CHD9: variants seen among roughly 807,000 people sequenced by gnomAD.
The protein encoded by CHD9 is ATP-dependent chromatin remodeler CHD9.
In CHD9, 77 loss-of-function variants were observed where a neutral mutation model predicts 316.1. That is an observed-to-expected ratio of 0.24 (90% CI 0.20 to 0.29). The LOEUF (loss-of-function observed/expected upper bound fraction) is 0.29, where lower values mean the gene tolerates loss of function less well. Ranked by LOEUF, CHD9 falls within the 10% of genes least tolerant of loss-of-function variation. The pLI, the probability that CHD9 is intolerant of heterozygous loss-of-function variation, is 1.00. For synonymous variants in CHD9, 1,129 were observed against 1,158.3 expected (o/e 0.97, Z 0.51); for missense variants, 2,763 against 3,438.1 (o/e 0.80, Z 4.91).
intron 1 of CHD9, among the ~76,000 whole-genome samples, chr16:53,074,491 C>T (rs1048028912): frequency 1.3e-5 from 2 of 152,234 alleles, no homozygotes; most frequent in Admixed American, 6.5e-5. Context: ...GCGGCAGCCT[C>T]TCCCATCACA....
At chr16:53,296,736 C>T (rs992416251) in intron 29 of CHD9, among the ~76,000 whole-genome samples, 6 of 151,912 alleles carry the variant, frequency 3.9e-5, no homozygotes, top group Admixed American at 2.6e-4. Context: ...TGAGCCACCG[C>T]GCCCGACCCA....
At chr16:53,318,440 G>A in intron 37 of CHD9, 100 bp downstream of exon 37, 3 of 868,892 alleles carry the variant, frequency 3.5e-6, no homozygotes, top group Admixed American at 3.3e-5. Context: ...TAACAGACCT[G>A]GAAATGAGTT....
In CHD9 at chr16:53,245,161, C is replaced by T. The variant is rs1237381476; in HGVS notation, c.3055-175C>T. 6.6e-6 allele frequency among the ~76,000 whole-genome samples: 1 copy of T among 151,726 alleles called. No individual in the cohort carries two copies. The highest frequency in any genetic ancestry group is 2.4e-5 in the African/African-American group (1 of 41,278). ...TCCAGCCTGGGTGTCACAGCAAGAC[C>T]TTGTCTCTAAACAAACAAACAAATA... On this transcript the variant is annotated intron_variant, in intron 13 of 38. Transcript: ENST00000447540. The surrounding 1 kb of genome is among the most constrained non-coding windows in gnomAD (Gnocchi z 4.1).
chr16:53,079,283 G>A (rs773561282), intron 1 of CHD9, among the ~76,000 whole-genome samples: 1 of 152,144 alleles, frequency 6.6e-6, no homozygotes, highest in Non-Finnish European at 1.5e-5. Context: ...GTAAGCTGTG[G>A]TCAGCTTGGA....
chr16:53,238,093 C>CTTCCCTTT (rs1383433553), intron 11 of CHD9, among the ~76,000 whole-genome samples: 9 of 151,958 alleles, frequency 5.9e-5, no homozygotes, highest in Non-Finnish European at 1.2e-4. Context: ...TGGCCTTGCC[C>CTTCCCTTT]TTCCCTTTTC....
intron 1 of CHD9, among the ~76,000 whole-genome samples, chr16:53,114,102 G>T (rs578028467): frequency 6.6e-6 from 1 of 151,356 alleles, no homozygotes; most frequent in East Asian, 1.9e-4. Flanking sequence ...AAAAAAAAGA[G>T]GTTCCAATTG....
intron 15 of CHD9, 106 bp from the exon 16 acceptor site, chr16:53,247,187 T>A: frequency 1.3e-6 from 1 of 762,650 alleles, no homozygotes; most frequent in South Asian, 1.8e-5. Context: ...CATTAGAAAA[T>A]TATGTTACAG....
At chr16:53,174,857 T>G (rs952443157) in intron 2 of CHD9, among the ~76,000 whole-genome samples, 2 of 152,244 alleles carry the variant, frequency 1.3e-5, no homozygotes, top group African/African-American at 4.8e-5. Context: ...TGATAATGTT[T>G]GAATAAATGC....
At chr16:53,253,029 C>T (rs1213146690) in intron 17 of CHD9, among the ~76,000 whole-genome samples, 3 of 152,034 alleles carry the variant, frequency 2.0e-5, no homozygotes, top group African/African-American at 7.3e-5. Context: ...ACTGTTTGAT[C>T]CAGCAATCTC....
chr16:53,167,110 A>G (rs1032647733), intron 2 of CHD9, among the ~76,000 whole-genome samples: 2 of 152,200 alleles, frequency 1.3e-5, no homozygotes, highest in Non-Finnish European at 2.9e-5. Context: ...TACATATTTA[A>G]TAGGCCATAT....
At chr16:53,264,354 T>C (rs930039253) in intron 20 of CHD9, among the ~76,000 whole-genome samples, 1 of 152,124 alleles carries the variant, frequency 6.6e-6, no homozygotes, top group African/African-American at 2.4e-5. Context: ...CAGCATTTTT[T>C]GTTATAGCAA....
rs374753890 is a variant in CHD9 at position 53,286,275 on chromosome 16, G to A, written c.5121G>A (p.Leu1707=). The change falls in exon 26 of 39, where the codon TTG becomes TTA. Residue 1707 remains leucine (L), a synonymous_variant. Transcript: ENST00000447540. ...TIRADPALCF[L]ERVGKPDEKA... ...GAGCAGACCCAGCATTATGCTTCTT[G>A]GAAAGAGTGGGAAAACCTGATGAGA... The A allele has an allele frequency of 1.9e-6, 3 of 1,613,258 alleles. No homozygotes were observed. The highest frequency in any genetic ancestry group is 1.1e-5 in the South Asian group (1 of 91,052).
chr16:53,073,056 T>C (rs2034240496), intron 1 of CHD9, among the ~76,000 whole-genome samples: 1 of 152,218 alleles, frequency 6.6e-6, no homozygotes, highest in African/African-American at 2.4e-5. Context: ...TAGTGATGTG[T>C]AACCATCACC....
rs189744666 is a variant in CHD9 at position 53,259,139 on chromosome 16, A to G, written c.4209+3360A>G. On this transcript the variant is annotated intron_variant, in intron 19 of 38. Coordinates refer to ENST00000447540, the MANE Select transcript of CHD9 (RefSeq NM_001308319.2). ...TTGGAAGGAGTAGCATCTTATTTCT[A>G]TAGGCATAATTGCTTGTCACAATCC... Among the ~76,000 whole-genome samples, 172 of 152,352 alleles carry G rather than the reference A, an allele frequency of 1.1e-3. 1 individual carries two copies. The highest frequency in any genetic ancestry group is 1.9e-3 in the Non-Finnish European group (127 of 68,022).
chr16:53,214,938 G>T (rs2046620330), intron 3 of CHD9, among the ~76,000 whole-genome samples: 2 of 146,906 alleles, frequency 1.4e-5, no homozygotes, highest in African/African-American at 5.1e-5. Context: ...TTTTGAGACG[G>T]AGTCTCACTC....
At chr16:53,055,289 T>A (rs2031924879) in intron 1 of CHD9, among the ~76,000 whole-genome samples, 3 of 152,050 alleles carry the variant, frequency 2.0e-5, no homozygotes, top group Admixed American at 2.0e-4. Context: ...CACGCTCGCA[T>A]CCTCCCCAGC....
intron 1 of CHD9, among the ~76,000 whole-genome samples, chr16:53,074,208 G>A (rs542903077): frequency 6.6e-6 from 1 of 152,304 alleles, no homozygotes; most frequent in South Asian, 2.1e-4. Context: ...TTGAAATTGA[G>A]AGAGATGATT....
intron 1 of CHD9, among the ~76,000 whole-genome samples, chr16:53,070,075 G>A (rs1278965590): frequency 2.6e-5 from 4 of 152,216 alleles, no homozygotes; most frequent in Non-Finnish European, 4.4e-5. Context: ...TCTATTCAAG[G>A]TATTTGCTGA....
At chr16:53,155,810 T>C in intron 1 of CHD9, 116 bp from the exon 2 acceptor site, 1 of 358,504 alleles carries the variant, frequency 2.8e-6, no homozygotes, top group South Asian at 3.9e-5. Flanking sequence ...TCATATAATA[T>C]GTGGTATTTT....
Sources: allele counts gnomAD v4.1 joint callset (sites outside exome capture counted in the v4.1 genomes callset), GRCh38; gene constraint gnomAD v4.1.1; non-coding constraint Gnocchi (gnomAD v3.1); transcripts MANE v1.5; gene names NCBI Gene and HGNC (gene_info 2026-07-23, HGNC 2026-07-21).